EMCN: variants seen among roughly 807,000 people sequenced by gnomAD.
EMCN encodes endomucin, also known as MUC-14.
A neutral mutation model predicts 38.4 loss-of-function variants in EMCN; 37 were observed. The observed-to-expected ratio is 0.96, with a 90% CI of 0.74 to 1.27. EMCN has a LOEUF of 1.27. Ranked by LOEUF, EMCN falls within the 50% of genes most tolerant of loss-of-function variation. EMCN has a pLI of 0.00. For missense variants in EMCN, 318 were observed against 302.8 expected (o/e 1.05, Z -0.37); for synonymous variants, 95 against 100.8 (o/e 0.94, Z 0.35).
At position 100,395,780 on chromosome 4, in the gene EMCN, A is replaced by G. The variant is rs1047215423; in HGVS notation, c.*2633T>C. 1 of 152,190 alleles carries G rather than the reference A, an allele frequency of 6.6e-6. No individual in the cohort carries two copies. The highest frequency in any genetic ancestry group is 1.5e-5 in the Non-Finnish European group (1 of 68,036). 9.4% of individuals were successfully genotyped at this position (152,190 alleles called of 1,614,324 possible). A position where few individuals can be genotyped will look rare whatever the true frequency, so the allele number is the denominator to read the frequency against. On this transcript the variant is annotated 3_prime_UTR_variant, in exon 12 of 12. Transcript: ENST00000296420. ...CATATGTAACAGAATAGTTCAGTTC[A>G]GCAAGGGGAATTCAGAATTCTTTCT...
At chr4:100,433,526 C>A (rs576132593) in intron 5 of EMCN, among the ~76,000 whole-genome samples, 8 of 151,578 alleles carry the variant, frequency 5.3e-5, no homozygotes, top group Non-Finnish European at 8.8e-5. Context: ...AATCTCCATA[C>A]TATTTTATTT....
intron 8 of EMCN, among the ~76,000 whole-genome samples, chr4:100,417,797 C>A (rs1240042751): frequency 6.6e-6 from 1 of 152,184 alleles, no homozygotes; most frequent in Non-Finnish European, 1.5e-5. Flanking sequence ...CATGGCCTCT[C>A]TGGAGTGAAT....
chr4:100,401,618 T>C (rs1353932705), intron 11 of EMCN, among the ~76,000 whole-genome samples: 10 of 152,180 alleles, frequency 6.6e-5, no homozygotes, highest in Non-Finnish European at 1.5e-4. Flanking sequence ...TGTTAAGCTC[T>C]TCTGGAAGTT....
At chr4:100,444,325 G>T (rs1298389416) in intron 5 of EMCN, among the ~76,000 whole-genome samples, 1 of 152,192 alleles carries the variant, frequency 6.6e-6, no homozygotes, top group Non-Finnish European at 1.5e-5. Flanking sequence ...TACTACATTA[G>T]CTATGGCACT....
chr4:100,489,219 T>C (rs747111040), intron 1 of EMCN, among the ~76,000 whole-genome samples: 25 of 152,234 alleles, frequency 1.6e-4, no homozygotes, highest in Non-Finnish European at 2.9e-4. Flanking sequence ...GAAATTATGC[T>C]GTTTGTGGTT....
At chr4:100,454,132 C>A (rs1727932508) in intron 4 of EMCN, among the ~76,000 whole-genome samples, 1 of 150,804 alleles carries the variant, frequency 6.6e-6, no homozygotes, top group Non-Finnish European at 1.5e-5. Flanking sequence ...ATGTAAGAAA[C>A]CTGCAAGTTG....
At position 100,471,121 on chromosome 4, in the gene EMCN, G is replaced by A. The variant is rs183844192; in HGVS notation, c.259+3917C>T. ...GATTCGAGAAGAATGAAATAAAATA[G>A]AGAATAGAAACACAACACAGAAAAA... On this transcript the variant is annotated intron_variant, in intron 3 of 11. Transcript: ENST00000296420. Among the ~76,000 whole-genome samples the A allele has an allele frequency of 9.5e-4, 145 of 151,888 alleles. 1 individual carries two copies. The highest frequency in any genetic ancestry group is 3.3e-3 in the African/African-American group (135 of 41,486).
intron 4 of EMCN, among the ~76,000 whole-genome samples, chr4:100,449,256 C>A (rs762808440): frequency 1.1e-4 from 17 of 152,116 alleles, no homozygotes; most frequent in East Asian, 7.7e-4. Context: ...TTGTAAGCAA[C>A]TTTTATGATC....
intron 1 of EMCN, 38 bp from the exon 2 acceptor site, chr4:100,480,077 T>C (rs765020369): frequency 3.8e-6 from 6 of 1,581,688 alleles, no homozygotes; most frequent in South Asian, 3.5e-5. Flanking sequence ...CATTTACATA[T>C]AGTTTGCCAA....
At chr4:100,455,014 T>C (rs1727970483) in intron 4 of EMCN, among the ~76,000 whole-genome samples, 1 of 152,178 alleles carries the variant, frequency 6.6e-6, no homozygotes, top group African/African-American at 2.4e-5. Context: ...TCTTTATAAA[T>C]AAAATGTTTA....
At chr4:100,398,524 G>A (rs1270004938) in intron 11 of EMCN, among the ~76,000 whole-genome samples, 151 bp from the exon 12 acceptor site, 1 of 152,030 alleles carries the variant, frequency 6.6e-6, no homozygotes, top group Admixed American at 6.6e-5. Flanking sequence ...TCACTTGACT[G>A]TCTCTCAAGC....
At chr4:100,454,189 A>T (rs571107386) in intron 4 of EMCN, among the ~76,000 whole-genome samples, 16 of 151,628 alleles carry the variant, frequency 1.1e-4, no homozygotes, top group African/African-American at 3.9e-4. Context: ...TAAAAAAATT[A>T]AAAAAATAAA....
At chr4:100,496,411 T>C (rs1729208554) in intron 1 of EMCN, among the ~76,000 whole-genome samples, 1 of 152,190 alleles carries the variant, frequency 6.6e-6, no homozygotes, top group African/African-American at 2.4e-5. Flanking sequence ...GCCTGTGGTT[T>C]AATCTCCAGA....
chr4:100,483,246 G>A (rs1451189887), intron 1 of EMCN: 2 of 152,070 alleles, frequency 1.3e-5, no homozygotes, highest in Non-Finnish European at 2.9e-5. Context: ...CTCAAAAAGG[G>A]TAAACAGTTT....
At chr4:100,427,187 T>C (rs1022642624) in intron 5 of EMCN, among the ~76,000 whole-genome samples, 3 of 152,142 alleles carry the variant, frequency 2.0e-5, no homozygotes, top group Middle Eastern at 3.2e-3. Context: ...TGGCTACCAA[T>C]AGAATAGAGC....
intron 7 of EMCN, among the ~76,000 whole-genome samples, chr4:100,422,258 C>A (rs1405126283): frequency 6.6e-6 from 1 of 152,032 alleles, no homozygotes; most frequent in Admixed American, 6.6e-5. Flanking sequence ...TAAGTAAGTT[C>A]TGCTGATTTC....
chr4:100,517,726 C>T (rs955991411), intron 1 of EMCN, 125 bp downstream of exon 1: 2 of 865,370 alleles, frequency 2.3e-6, no homozygotes, highest in African/African-American at 3.3e-5. Flanking sequence ...CATCCAAACA[C>T]TCAACTCATC....
intron 3 of EMCN, among the ~76,000 whole-genome samples, chr4:100,473,371 TTGTTTTTTTTTTTTG>T (rs1294555849): frequency 3.1e-4 from 31 of 99,888 alleles, no homozygotes; most frequent in African/African-American, 8.5e-4. Context: ...TCGTGTTTTT[TTGTTTTTTTTTTTTG>T]TTTTTTTTTT....
At chr4:100,431,912 G>T (rs529244065) in intron 5 of EMCN, among the ~76,000 whole-genome samples, 1 of 151,906 alleles carries the variant, frequency 6.6e-6, no homozygotes, top group Admixed American at 6.6e-5. Context: ...AGGGTTAATG[G>T]CTTATTCCTT....
Sources: allele counts gnomAD v4.1 joint callset (sites outside exome capture counted in the v4.1 genomes callset), GRCh38; gene constraint gnomAD v4.1.1; transcripts MANE v1.5; gene names NCBI Gene and HGNC (gene_info 2026-07-23, HGNC 2026-07-21).